The following RIOX2 variants were observed in gnomAD, a reference collection of about 807,000 sequenced individuals.
The protein encoded by RIOX2 is 60S ribosomal protein L27a histidine hydroxylase.
Under a neutral mutation model 51.2 loss-of-function variants are expected in RIOX2, and 43 were observed. That is an observed-to-expected ratio of 0.84 (90% confidence interval 0.66 to 1.08). The LOEUF is 1.08. RIOX2 is among the 50% of genes least tolerant of loss of function. RIOX2 has a pLI of 0.00. For synonymous variants in RIOX2, 226 were observed against 218.5 expected (o/e 1.03, Z -0.30); for missense variants, 566 against 561.7 (o/e 1.01, Z -0.08).
At chr3:97,947,836 T>C (rs2040400717) in intron 7 of RIOX2, among the ~76,000 whole-genome samples, 2 of 152,210 alleles carry the variant, frequency 1.3e-5, no homozygotes, top group Admixed American at 6.5e-5. Flanking sequence ...CTGGAAGTAC[T>C]ACCTGAGTTC....
rs2040280208 is a variant in RIOX2 at position 97,943,525 on chromosome 3, A to G, written c.*1659T>C. On this transcript the variant is annotated 3_prime_UTR_variant, in exon 10 of 10. Coordinates refer to ENST00000394198, the MANE Select transcript of RIOX2 (RefSeq NM_153182.4). Reference sequence around the variant, plus strand: ...ATTACTCAGTGTTCCTATAAAGAAAATATTATGATATCTTGGAAAGGTTCT... The same window carrying G: ...ATTACTCAGTGTTCCTATAAAGAAAGTATTATGATATCTTGGAAAGGTTCT... 4.0e-6 allele frequency: 2 copies of G among 504,710 alleles called. No individual in the cohort carries two copies. The highest frequency in any genetic ancestry group is 6.9e-6 in the Non-Finnish European group (2 of 290,636). The allele number at this position is 504,710 out of a possible 1,614,324, so 31.3% of individuals were successfully genotyped here.
intron 1 of RIOX2, among the ~76,000 whole-genome samples, chr3:97,971,207 A>G (rs939090380): frequency 6.6e-6 from 1 of 152,206 alleles, no homozygotes; most frequent in Non-Finnish European, 1.5e-5. Context: ...ATGAATTTCT[A>G]CATCCCCTGG....
Position 97,961,649 on chromosome 3 carries a change from C to A in RIOX2, c.492G>T (p.Ser164=), listed in dbSNP as rs112696353. The A allele has an allele frequency of 6.1e-5, 99 of 1,612,498 alleles. No individual in the cohort carries two copies. The highest frequency in any genetic ancestry group is 7.9e-5 in the Non-Finnish European group (93 of 1,179,612). ...LECYFGSLVG[S]NVYITPAGSQ... is the part of the protein sequence containing the mutation. ...ATCCTGCGGGAGTTATGTACACATT[C>A]GAGCCAACCAAGGAGCCAAAGTAAC... The change falls in exon 3 of 10, where the codon TCG becomes TCT. Residue 164 remains serine (S), a synonymous_variant. Coordinates refer to ENST00000394198, the MANE Select transcript of RIOX2 (RefSeq NM_153182.4).
chr3:97,968,013 G>A (rs1705958958), intron 1 of RIOX2, among the ~76,000 whole-genome samples: 1 of 152,136 alleles, frequency 6.6e-6, no homozygotes, highest in South Asian at 2.1e-4. Context: ...TCTTGGATTT[G>A]GCTCCCATCA....
chr3:97,959,813 A>C (rs918519997), intron 3 of RIOX2, among the ~76,000 whole-genome samples: 1 of 152,210 alleles, frequency 6.6e-6, no homozygotes, highest in Non-Finnish European at 1.5e-5. Context: ...ATATTCACAA[A>C]TCTATTACAG....
chr3:97,943,212 A>C lies in RIOX2; in HGVS notation c.*1972T>G. The C allele has an allele frequency of 6.8e-7, 1 of 1,467,556 alleles. No homozygotes were observed. Among genetic ancestry groups the C allele is most frequent in the Non-Finnish European group, 9.4e-7 (1 of 1,058,760 alleles). The allele number at this position is 1,467,556 out of a possible 1,614,324, so 90.9% of individuals were successfully genotyped here. ...CTGAACAAATAATCTTTTCTTTTGG[A>C]ATTTCTATTTTAGGAGGAAATTATT... On this transcript the variant is annotated 3_prime_UTR_variant, in exon 10 of 10. Coordinates refer to ENST00000394198, the MANE Select transcript of RIOX2 (RefSeq NM_153182.4).
intron 2 of RIOX2, among the ~76,000 whole-genome samples, chr3:97,962,366 C>A (rs956429965): frequency 7.9e-6 from 1 of 126,256 alleles, no homozygotes; most frequent in East Asian, 2.7e-4. Flanking sequence ...ACCCCCCCCC[C>A]CCCCCCCACA....
chr3:97,942,933 C>T lies in RIOX2; in HGVS notation c.*2251G>A, dbSNP rs911972222. 2 of 321,814 alleles carry T rather than the reference C, an allele frequency of 6.2e-6. No homozygotes were observed. Among genetic ancestry groups the T allele is most frequent in the Admixed American group, 5.1e-5 (1 of 19,532 alleles). 19.9% of individuals were successfully genotyped at this position (321,814 alleles called of 1,614,324 possible). A position where few individuals can be genotyped will look rare whatever the true frequency, so the allele number is the denominator to read the frequency against. ...GTAGAAACAAAAACACAGTACCTGA[C>T]ATTCAGCCAGAGTTCTCTCAAGAGC... On this transcript the variant is annotated 3_prime_UTR_variant, in exon 10 of 10. Coordinates refer to ENST00000394198, the MANE Select transcript of RIOX2 (RefSeq NM_153182.4).
Position 97,968,293 on chromosome 3 carries a change from G to A in RIOX2, c.-39-661C>T, listed in dbSNP as rs1024474667. ...CCACTTTTATCAGAAACTCCCCTTCGTTTAAAGAAATAAAGCCCCTAAAGG... is the reference window on the plus strand; with the variant it reads ...CCACTTTTATCAGAAACTCCCCTTCATTTAAAGAAATAAAGCCCCTAAAGG... On this transcript the variant is annotated intron_variant, in intron 1 of 9. Coordinates refer to ENST00000394198, the MANE Select transcript of RIOX2 (RefSeq NM_153182.4). Among the ~76,000 whole-genome samples the A allele has an allele frequency of 2.6e-5, 4 of 152,074 alleles. No individual in the cohort carries two copies. In the South Asian group the frequency reaches 6.2e-4, roughly 24 times the overall value.
intron 7 of RIOX2, 47 bp from the exon 8 acceptor site, chr3:97,947,496 G>A: frequency 6.7e-7 from 1 of 1,490,684 alleles, no homozygotes; most frequent in Non-Finnish European, 9.4e-7. Flanking sequence ...AAAGGAAACA[G>A]GCAGATTCAA....
At position 97,961,655 on chromosome 3, in the gene RIOX2, A is replaced by G. The variant is rs1233573481; in HGVS notation, c.486T>C (p.Val162=). 1 of 1,612,596 alleles carries G rather than the reference A, an allele frequency of 6.2e-7. No homozygotes were observed. Among genetic ancestry groups the G allele is most frequent in the Non-Finnish European group, 8.5e-7 (1 of 1,179,652 alleles). The change falls in exon 3 of 10, where the codon GTT becomes GTC. Residue 162 remains valine, a synonymous_variant. Coordinates refer to ENST00000394198, the MANE Select transcript of RIOX2 (RefSeq NM_153182.4). ...CGGGAGTTATGTACACATTCGAGCC[A>G]ACCAAGGAGCCAAAGTAACATTCCA... ...EKLECYFGSL[V]GSNVYITPAG...
chr3:97,943,092 C>T lies in RIOX2; in HGVS notation c.*2092G>A. The T allele has an allele frequency of 1.6e-6, 1 of 608,460 alleles. No individual in the cohort carries two copies. Among genetic ancestry groups the T allele is most frequent in the South Asian group, 2.1e-5 (1 of 48,424 alleles). 37.7% of individuals were successfully genotyped at this position (608,460 alleles called of 1,614,324 possible). On this transcript the variant is annotated 3_prime_UTR_variant, in exon 10 of 10. Coordinates refer to ENST00000394198, the MANE Select transcript of RIOX2 (RefSeq NM_153182.4). ...GGCTAAGCCTGTTCAAACTCAGCTT[C>T]CCATTTCAGACTTCTTTGTAAATGA...
In RIOX2 at chr3:97,961,602, T is replaced by A; in HGVS notation, c.539A>T (p.Tyr180Phe). The A allele has an allele frequency of 1.2e-6, 2 of 1,602,904 alleles. No homozygotes were observed. The highest frequency in any genetic ancestry group is 1.7e-6 in the Non-Finnish European group (2 of 1,177,072). The change falls in exon 3 of 10, where the codon TAT becomes TTT. Residue 180 changes from tyrosine (Y) to phenylalanine (F), a missense_variant. Coordinates refer to ENST00000394198, the MANE Select transcript of RIOX2 (RefSeq NM_153182.4). ...PAGSQGLPPH[Y>F]DDVEVFILQL... ...TCCATCTCTTACCTCGACATCATCATAATGGGGCGGCAGGCCCTGAGATCC... is the reference window on the plus strand; with the variant it reads ...TCCATCTCTTACCTCGACATCATCAAAATGGGGCGGCAGGCCCTGAGATCC...
In RIOX2 at chr3:97,958,960, G is replaced by A. The variant is rs952336898; in HGVS notation, c.681+91C>T. The A allele has an allele frequency of 2.0e-5, 28 of 1,385,126 alleles. No homozygotes were observed. The East Asian group carries it at 4.7e-4, about 23-fold the overall frequency. 85.8% of individuals were successfully genotyped at this position (1,385,126 alleles called of 1,614,324 possible). A position where few individuals can be genotyped will look rare whatever the true frequency, so the allele number is the denominator to read the frequency against. ...TATATTCCCACGGGGACCATCACACGAACTCTAAACCTTGAGCCTGAACTT... is the reference window on the plus strand; with the variant it reads ...TATATTCCCACGGGGACCATCACACAAACTCTAAACCTTGAGCCTGAACTT... On this transcript the variant is annotated intron_variant, in intron 4 of 9. Coordinates refer to ENST00000394198, the MANE Select transcript of RIOX2 (RefSeq NM_153182.4).
At chr3:97,956,071 C>G (rs1293712366) in intron 4 of RIOX2, among the ~76,000 whole-genome samples, 1 of 152,148 alleles carries the variant, frequency 6.6e-6, no homozygotes, top group Non-Finnish European at 1.5e-5. Flanking sequence ...ATATGACTAG[C>G]AAAGAAGTAG....
At chr3:97,947,046 G>C (rs942811866) in intron 8 of RIOX2, among the ~76,000 whole-genome samples, 24 of 152,016 alleles carry the variant, frequency 1.6e-4, no homozygotes, top group Non-Finnish European at 2.4e-4. Context: ...GGAGGACTGG[G>C]GCTGAGAAAC....
At chr3:97,963,797 C>T (rs913727423) in intron 2 of RIOX2, among the ~76,000 whole-genome samples, 3 of 152,154 alleles carry the variant, frequency 2.0e-5, no homozygotes, top group Non-Finnish European at 2.9e-5. Flanking sequence ...TCTATTTCAT[C>T]TGGACCTTTA....
At chr3:97,969,350 C>T (rs534641788) in intron 1 of RIOX2, among the ~76,000 whole-genome samples, 1 of 152,286 alleles carries the variant, frequency 6.6e-6, no homozygotes, top group East Asian at 1.9e-4. Flanking sequence ...CAGGAAGGCA[C>T]AGCATTGCTA....
At chr3:97,960,207 G>A (rs922376538) in intron 3 of RIOX2, among the ~76,000 whole-genome samples, 2 of 152,088 alleles carry the variant, frequency 1.3e-5, no homozygotes, top group East Asian at 1.9e-4. Context: ...AAGTCGTAAC[G>A]TTACAAGAAA....
Sources: allele counts gnomAD v4.1 joint callset (sites outside exome capture counted in the v4.1 genomes callset), GRCh38; gene constraint gnomAD v4.1.1; transcripts MANE v1.5; gene names NCBI Gene and HGNC (gene_info 2026-07-23, HGNC 2026-07-21).